FRAS1: variants seen among roughly 807,000 people sequenced by gnomAD.
The protein encoded by FRAS1 is extracellular matrix organizing protein FRAS1.
Under a neutral mutation model 435.2 loss-of-function variants are expected in FRAS1, and 290 were observed. That is an observed-to-expected ratio of 0.67 (90% CI 0.61 to 0.73). The LOEUF (loss-of-function observed/expected upper bound fraction) is 0.73, where lower values mean the gene tolerates loss of function less well. Ranked by LOEUF, FRAS1 falls within the 30% of genes least tolerant of loss-of-function variation. The probability of loss-of-function intolerance (pLI) is 0.00; values close to 1 mark genes in which losing one functional copy is unlikely to be tolerated. For missense variants in FRAS1, 4,860 were observed against 5,001.5 expected, an observed-to-expected ratio of 0.97 and a Z score of 0.85; for synonymous variants, 1,800 against 1,851.0, an observed-to-expected ratio of 0.97 and a Z score of 0.71.
chr4:78,320,943 A>G (rs1729479400), intron 18 of FRAS1, among the ~76,000 whole-genome samples: 1 of 152,180 alleles, frequency 6.6e-6, no homozygotes, highest in South Asian at 2.1e-4. Context: ...TGGTTTTCCC[A>G]TTGGTACAGT....
At chr4:78,472,597 G>A (rs1719742867) in intron 52 of FRAS1, among the ~76,000 whole-genome samples, 1 of 152,126 alleles carries the variant, frequency 6.6e-6, no homozygotes, top group South Asian at 2.1e-4. Flanking sequence ...AGGTTTTCTG[G>A]AAAAGAATGC....
At chr4:78,342,361 A>G (rs188103712) in intron 20 of FRAS1, among the ~76,000 whole-genome samples, 3 of 152,284 alleles carry the variant, frequency 2.0e-5, no homozygotes, top group Admixed American at 2.0e-4. Flanking sequence ...ACATATGGAG[A>G]TGTCATATGT....
Position 78,130,267 on chromosome 4 carries a change from G to A in FRAS1, c.108+64251G>A, listed in dbSNP as rs768264942. On this transcript the variant is annotated intron_variant, in intron 2 of 73. Coordinates refer to ENST00000512123, the MANE Select transcript of FRAS1 (RefSeq NM_025074.7). Reference sequence around the variant, plus strand: ...TTATGTACTCAGTATCTGATATAGCGTTTGGCACATACAAAATGCTTAGTA... The same window carrying A: ...TTATGTACTCAGTATCTGATATAGCATTTGGCACATACAAAATGCTTAGTA... Among the ~76,000 whole-genome samples the A allele has an allele frequency of 9.2e-5, 14 of 152,190 alleles. 1 individual carries two copies. Among genetic ancestry groups the A allele is most frequent in the East Asian group, 3.9e-4 (2 of 5,192 alleles).
chr4:78,530,232 C>T (rs1030192420), intron 70 of FRAS1, among the ~76,000 whole-genome samples: 23 of 151,814 alleles, frequency 1.5e-4, no homozygotes, highest in African/African-American at 5.6e-4. Context: ...AGAGGAACGA[C>T]GGTTTGAAAC....
chr4:78,282,801 T>C lies in FRAS1; in HGVS notation c.1108-19T>C. On this transcript the variant is annotated intron_variant, in intron 11 of 73. Coordinates refer to ENST00000512123, the MANE Select transcript of FRAS1 (RefSeq NM_025074.7). ...TACTGCATCCTGATGACAATGCTGTTCTTCACTTTTTTGCGTAGGAGGGAG... is the reference window on the plus strand; with the variant it reads ...TACTGCATCCTGATGACAATGCTGTCCTTCACTTTTTTGCGTAGGAGGGAG... 6.2e-7 allele frequency: 1 copy of C among 1,612,548 alleles called. No individual in the cohort carries two copies. The highest frequency in any genetic ancestry group is 1.1e-5 in the South Asian group (1 of 90,768).
At chr4:78,198,203 T>C (rs1335473062) in intron 2 of FRAS1, among the ~76,000 whole-genome samples, 1 of 152,172 alleles carries the variant, frequency 6.6e-6, no homozygotes, top group Non-Finnish European at 1.5e-5. Flanking sequence ...TGGGCAAGGA[T>C]GGCTTACAAG....
rs557681345 is a variant in FRAS1 at position 78,512,491 on chromosome 4, C to T, written c.10014-901C>T. Among the ~76,000 whole-genome samples the T allele has an allele frequency of 6.1e-5, 9 of 146,698 alleles. No homozygotes were observed. The South Asian group carries it at 1.8e-3, about 30-fold the overall frequency. On this transcript the variant is annotated intron_variant, in intron 64 of 73. Coordinates refer to ENST00000512123, the MANE Select transcript of FRAS1 (RefSeq NM_025074.7). ...ACTCAAAACACACTTTCAGTAAACA[C>T]GCTCAAAGTTTAAACTGGTACAATG...
intron 6 of FRAS1, among the ~76,000 whole-genome samples, chr4:78,264,449 T>A (rs1726256762): frequency 6.6e-6 from 1 of 152,202 alleles, no homozygotes; most frequent in Admixed American, 6.5e-5. Flanking sequence ...TAAATATGTG[T>A]CCATTCATGT....
At chr4:78,321,290 G>A (rs1578251098) in intron 18 of FRAS1, among the ~76,000 whole-genome samples, 2 of 152,160 alleles carry the variant, frequency 1.3e-5, no homozygotes, top group South Asian at 4.1e-4. Context: ...AGGTTGTGAT[G>A]TGCTCAAAGT....
intron 14 of FRAS1, among the ~76,000 whole-genome samples, chr4:78,298,091 T>A (rs1383320062): frequency 6.8e-6 from 1 of 146,824 alleles, no homozygotes; most frequent in Non-Finnish European, 1.5e-5. Context: ...TTAAGGTATA[T>A]GACATGATAT....
chr4:78,280,329 A>G (rs1227101877), intron 10 of FRAS1, among the ~76,000 whole-genome samples: 1 of 152,174 alleles, frequency 6.6e-6, no homozygotes, highest in Non-Finnish European at 1.5e-5. Flanking sequence ...GGCGGGTGGC[A>G]TCTACAGCAT....
chr4:78,518,450 A>ATATATATATATATATATATATATATATT (rs1487744216), intron 66 of FRAS1, among the ~76,000 whole-genome samples: 1 of 69,332 alleles, frequency 1.4e-5, no homozygotes, highest in African/African-American at 3.8e-5. Context: ...ATATATATAT[A>ATATATATATATATATATATATATATATT]TATTTATTTA....
At chr4:78,151,574 G>A (rs143794382) in intron 2 of FRAS1, among the ~76,000 whole-genome samples, 15 of 152,250 alleles carry the variant, frequency 9.9e-5, no homozygotes, top group African/African-American at 2.6e-4. Flanking sequence ...TTTTCTGTGC[G>A]TTCAAGTTAA....
At chr4:78,502,649 G>A (rs1027237600) in intron 61 of FRAS1, among the ~76,000 whole-genome samples, 9 of 152,174 alleles carry the variant, frequency 5.9e-5, no homozygotes, top group Middle Eastern at 6.3e-3. Context: ...ATACAATCAT[G>A]TCATCTGCAA....
At chr4:78,338,764 G>C (rs966724880) in intron 20 of FRAS1, among the ~76,000 whole-genome samples, 4 of 152,178 alleles carry the variant, frequency 2.6e-5, no homozygotes, top group Non-Finnish European at 4.4e-5. Context: ...GTCTGGGATG[G>C]CGCTGACATC....
At chr4:78,231,163 G>T (rs895946879) in intron 2 of FRAS1, among the ~76,000 whole-genome samples, 3 of 152,046 alleles carry the variant, frequency 2.0e-5, no homozygotes, top group Admixed American at 1.3e-4. Flanking sequence ...CACCATGTTG[G>T]CCAGGCTGGT....
At chr4:78,435,082 C>T (rs1734362967) in intron 38 of FRAS1, among the ~76,000 whole-genome samples, 1 of 152,102 alleles carries the variant, frequency 6.6e-6, no homozygotes, top group Non-Finnish European at 1.5e-5. Context: ...CATGGCAAGA[C>T]CCTGTCTCTA....
At position 78,373,975 on chromosome 4, in the gene FRAS1, C is replaced by T. The variant is rs1013935567; in HGVS notation, c.3011-136C>T. The T allele has an allele frequency of 8.4e-6, 6 of 711,582 alleles. No homozygotes were observed. In the South Asian group the frequency reaches 2.3e-4, roughly 28 times the overall value. 44.1% of individuals were successfully genotyped at this position (711,582 alleles called of 1,614,324 possible). Reference sequence around the variant, plus strand: ...ATAGTGACAACCAGAACCCAGACTCCTTGACTCTTCATATGGTCCTTTGCC... The same window carrying T: ...ATAGTGACAACCAGAACCCAGACTCTTTGACTCTTCATATGGTCCTTTGCC... On this transcript the variant is annotated intron_variant, in intron 24 of 73. Transcript: ENST00000512123.
chr4:78,191,914 G>A (rs540342955), intron 2 of FRAS1, among the ~76,000 whole-genome samples: 2 of 152,152 alleles, frequency 1.3e-5, no homozygotes, highest in South Asian at 2.1e-4. Flanking sequence ...GTGTATATGT[G>A]CCACATTTTC....
Sources: allele counts gnomAD v4.1 joint callset (sites outside exome capture counted in the v4.1 genomes callset), GRCh38; gene constraint gnomAD v4.1.1; transcripts MANE v1.5; gene names NCBI Gene and HGNC (gene_info 2026-07-23, HGNC 2026-07-21).